The following SH3BGR variants were observed in gnomAD, a reference collection of about 807,000 sequenced individuals.
SH3BGR encodes SH3 domain-binding glutamic acid-rich protein.
Under a neutral mutation model 24.5 loss-of-function variants are expected in SH3BGR, and 29 were observed. That is an observed-to-expected ratio of 1.18 (90% CI 0.88 to 1.61). SH3BGR has a LOEUF of 1.61. SH3BGR is among the 40% of genes most tolerant of loss of function. The probability of loss-of-function intolerance (pLI) is 0.00; values close to 1 mark genes in which losing one functional copy is unlikely to be tolerated. For missense variants in SH3BGR, 162 were observed against 205.8 expected (o/e 0.79, Z 1.30); for synonymous variants, 55 against 65.7 (o/e 0.84, Z 0.79).
chr21:39,475,768 C>G (rs902443621), intron 3 of SH3BGR, among the ~76,000 whole-genome samples: 4 of 152,038 alleles, frequency 2.6e-5, no homozygotes, highest in African/African-American at 9.7e-5. Flanking sequence ...GAGAGTTATG[C>G]TAATAAAGCA....
At chr21:39,461,689 G>C (rs1000053625) in intron 1 of SH3BGR, among the ~76,000 whole-genome samples, 1 of 152,148 alleles carries the variant, frequency 6.6e-6, no homozygotes, top group East Asian at 1.9e-4. Context: ...GTCAATGACT[G>C]AAACTCAGCT....
chr21:39,511,182 G>A lies in SH3BGR; in HGVS notation c.436-498G>A, dbSNP rs537499055. ...TGTGTATTTGTGTGTGGTGTATATG[G>A]TGTGTGGTGTGTTTGGTGTGTGTGT... On this transcript the variant is annotated intron_variant, in intron 5 of 6. Coordinates refer to ENST00000333634, the MANE Select transcript of SH3BGR (RefSeq NM_007341.3). The surrounding 1 kb of genome is among the most constrained non-coding windows in gnomAD (Gnocchi z 4.2). 1.7e-4 allele frequency among the ~76,000 whole-genome samples: 25 copies of A among 150,572 alleles called. No individual in the cohort carries two copies. The highest frequency in any genetic ancestry group is 5.9e-4 in the African/African-American group (24 of 41,022).
chr21:39,451,815 G>T, upstream of SH3BGR: 7 of 1,398,220 alleles, frequency 5.0e-6, no homozygotes, highest in Non-Finnish European at 6.9e-6. Flanking sequence ...AAAGTGATAG[G>T]GAAAGGGTCC....
intron 4 of SH3BGR, among the ~76,000 whole-genome samples, chr21:39,507,092 T>G (rs2078596170): frequency 6.6e-6 from 1 of 152,170 alleles, no homozygotes. Context: ...CTGCACATTA[T>G]TTGAGCACCA....
intron 1 of SH3BGR, among the ~76,000 whole-genome samples, chr21:39,457,300 T>C (rs1235773116): frequency 7.0e-6 from 1 of 143,060 alleles, no homozygotes; most frequent in Non-Finnish European, 1.5e-5. Flanking sequence ...TATAATATAG[T>C]TACATATATA....
At chr21:39,454,065 G>T (rs528736339) in intron 1 of SH3BGR, among the ~76,000 whole-genome samples, 1 of 152,278 alleles carries the variant, frequency 6.6e-6, no homozygotes, top group Admixed American at 6.5e-5. Flanking sequence ...TGTGTGAGAA[G>T]AATTTTCCAG....
upstream of SH3BGR, among the ~76,000 whole-genome samples, chr21:39,451,596 G>A (rs1602056044): frequency 6.6e-6 from 1 of 152,102 alleles, no homozygotes; most frequent in South Asian, 2.1e-4. Context: ...TTATTTGTTT[G>A]CCAAAAGCCC....
intron 3 of SH3BGR, among the ~76,000 whole-genome samples, chr21:39,498,871 A>G (rs1569171328): frequency 6.6e-6 from 1 of 152,342 alleles, no homozygotes; most frequent in East Asian, 1.9e-4. Flanking sequence ...TCATACTGCA[A>G]TAAAGAACTG....
intron 4 of SH3BGR, among the ~76,000 whole-genome samples, chr21:39,505,042 G>A (rs889828547): frequency 1.3e-5 from 2 of 152,100 alleles, no homozygotes; most frequent in African/African-American, 2.4e-5. Flanking sequence ...CAAACTCCTG[G>A]CCTCAAGTGA....
At chr21:39,482,350 T>C (rs796802349) in intron 3 of SH3BGR, among the ~76,000 whole-genome samples, 3 of 152,212 alleles carry the variant, frequency 2.0e-5, no homozygotes, top group Non-Finnish European at 2.9e-5. Flanking sequence ...TGAGGAAATA[T>C]GAGAATCAGA....
intron 3 of SH3BGR, chr21:39,488,368 C>T (rs1309514159): frequency 4.4e-6 from 1 of 226,500 alleles, no homozygotes; most frequent in Non-Finnish European, 9.3e-6. Flanking sequence ...TTCAAGGAGG[C>T]CTTCCAGCTG....
intron 5 of SH3BGR, among the ~76,000 whole-genome samples, chr21:39,509,298 C>T (rs185607610): frequency 6.6e-6 from 1 of 152,214 alleles, no homozygotes; most frequent in East Asian, 1.9e-4. Context: ...TCACTGACAT[C>T]AGGCCAGGCC....
intron 2 of SH3BGR, among the ~76,000 whole-genome samples, chr21:39,473,251 C>T (rs930629975): frequency 6.6e-6 from 1 of 152,130 alleles, no homozygotes; most frequent in Non-Finnish European, 1.5e-5. Flanking sequence ...CCTTTCTTGC[C>T]TCGAAATCTA....
At position 39,481,642 on chromosome 21, in the gene SH3BGR, T is replaced by A. The variant is rs115843597; in HGVS notation, c.312+6427T>A. 2.3e-3 allele frequency among the ~76,000 whole-genome samples: 355 copies of A among 152,338 alleles called. 1 individual carries two copies. The highest frequency in any genetic ancestry group is 8.3e-3 in the African/African-American group (347 of 41,594). On this transcript the variant is annotated intron_variant, in intron 3 of 6. Coordinates refer to ENST00000333634, the MANE Select transcript of SH3BGR (RefSeq NM_007341.3). The stretch of plus-strand genomic sequence containing the variant: ...AAAACTCATTTGTCACATATATAGA[T>A]AACTATCACCCCAATATTTTACTCT...
At chr21:39,461,244 C>T (rs1165063069) in intron 1 of SH3BGR, among the ~76,000 whole-genome samples, 1 of 150,170 alleles carries the variant, frequency 6.7e-6, no homozygotes, top group Non-Finnish European at 1.5e-5. Flanking sequence ...TCAAGCGATT[C>T]TCCTGCTTCA....
chr21:39,479,247 G>GTGGTGGTGC (rs1569160885), intron 3 of SH3BGR, among the ~76,000 whole-genome samples: 5 of 149,588 alleles, frequency 3.3e-5, no homozygotes, highest in African/African-American at 9.8e-5. Flanking sequence ...GGTGGTGGTG[G>GTGGTGGTGC]TGGTGGTGGT....
At chr21:39,514,233 A>G (rs2078745982) in intron 6 of SH3BGR, among the ~76,000 whole-genome samples, 1 of 152,212 alleles carries the variant, frequency 6.6e-6, no homozygotes, top group Non-Finnish European at 1.5e-5. Context: ...CCCATCTCAT[A>G]ACTCATAGAT....
intron 3 of SH3BGR, among the ~76,000 whole-genome samples, chr21:39,486,478 G>C (rs1193594711): frequency 6.6e-6 from 1 of 152,146 alleles, no homozygotes; most frequent in Non-Finnish European, 1.5e-5. Flanking sequence ...CCAAGCATAT[G>C]ATAAGAATAT....
chr21:39,504,488 G>A (rs773678521), intron 4 of SH3BGR, among the ~76,000 whole-genome samples: 5 of 152,136 alleles, frequency 3.3e-5, no homozygotes, highest in African/African-American at 7.2e-5. Context: ...TTCTGGCCAC[G>A]CACCACCTCT....
Sources: gnomAD v4.1 joint callset for allele counts (sites outside exome capture counted in the v4.1 genomes callset) on GRCh38, gnomAD v4.1.1 for gene constraint, Gnocchi (gnomAD v3.1) non-coding constraint, MANE v1.5 for transcripts, NCBI Gene and HGNC (gene_info 2026-07-23, HGNC 2026-07-21) for gene names.